The following ABCA5 variants were observed in gnomAD, a reference collection of about 807,000 sequenced individuals.
ABCA5 encodes cholesterol transporter ABCA5.
Under a neutral mutation model 206.0 loss-of-function variants are expected in ABCA5, and 163 were observed. That is an observed-to-expected ratio of 0.79 (90% CI 0.70 to 0.90). ABCA5 has a LOEUF of 0.90. Among genes scored for constraint, ABCA5 ranks in the 40% least tolerant of loss-of-function variants. ABCA5 has a pLI of 0.00. For missense variants in ABCA5, 1,859 were observed against 1,912.9 expected, an observed-to-expected ratio of 0.97 and a Z score of 0.53; for synonymous variants, 609 against 613.8, an observed-to-expected ratio of 0.99 and a Z score of 0.11.
chr17:69,259,762 T>C lies in ABCA5; in HGVS notation c.3675A>G (p.Leu1225=), dbSNP rs777440243. The part of the protein sequence containing the change: ...YLQCVLWIFL[L]QYYEKKYGGR... The stretch of plus-strand genomic sequence containing the variant: ...CTCCATATTTTTTCTCATAGTATTG[T>C]AAGAGGAAAATCCACAGTACACACT... Residue 1225 remains leucine (L), a synonymous_variant, in exon 28 of 39, where the codon TTA becomes TTG. Transcript: ENST00000392676. The C allele has an allele frequency of 1.9e-6, 3 of 1,609,254 alleles. No individual in the cohort carries two copies. Among genetic ancestry groups the C allele is most frequent in the African/African-American group, 1.3e-5 (1 of 74,722 alleles).
chr17:69,309,206 C>T, intron 4 of ABCA5, 56 bp downstream of exon 4: 2 of 1,376,750 alleles, frequency 1.5e-6, no homozygotes, highest in Non-Finnish European at 1.9e-6. Flanking sequence ...CTATGAACTG[C>T]AAGCAGCAAA....
At position 69,302,737 on chromosome 17, in the gene ABCA5, A is replaced by G. The variant is rs1423319194; in HGVS notation, c.1100T>C (p.Phe367Ser). 1 of 1,574,372 alleles carries G rather than the reference A, an allele frequency of 6.4e-7. No individual in the cohort carries two copies. The highest frequency in any genetic ancestry group is 8.6e-7 in the Non-Finnish European group (1 of 1,168,808). The stretch of plus-strand genomic sequence containing the variant: ...ACCTACCTGTGCAATACCAATCACA[A>G]AAGTACAGTGACAGAAAGGACTGAA... ...WLFSPFCHCT[F>S]VIGIAQVMHL... Residue 367 changes from phenylalanine to serine, a missense_variant, in exon 8 of 39, where the codon TTT (phenylalanine) becomes TCT (serine). By Grantham distance (155) the Phe-to-Ser change is radical (BLOSUM62 -2). Transcript: ENST00000392676.
intron 1 of ABCA5, among the ~76,000 whole-genome samples, chr17:69,320,452 C>G (rs1331724625): frequency 6.6e-6 from 1 of 152,046 alleles, no homozygotes; most frequent in African/African-American, 2.4e-5. Flanking sequence ...TCTGATTTTT[C>G]TTATACTCAA....
At chr17:69,309,241 T>C in intron 4 of ABCA5, 21 bp downstream of exon 4, 15 of 1,509,520 alleles carry the variant, frequency 9.9e-6, no homozygotes, top group Non-Finnish European at 1.3e-5. Flanking sequence ...TGATCTTCAA[T>C]GATTATGTAG....
chr17:69,294,340 TG>T (rs1464888963), intron 11 of ABCA5, among the ~76,000 whole-genome samples: 1 of 151,906 alleles, frequency 6.6e-6, no homozygotes, highest in Non-Finnish European at 1.5e-5. Flanking sequence ...CTGGCCAACT[TG>T]GTGAAACCCC....
Position 69,306,750 on chromosome 17 carries a change from T to G in ABCA5, c.763A>C (p.Met255Leu). The change falls in exon 6 of 39, where the codon ATG becomes CTG. Residue 255 changes from methionine to leucine, a missense_variant. Physicochemically the swap from Met to Leu is conservative, Grantham distance 15 (BLOSUM62 2). Coordinates refer to ENST00000392676, the MANE Select transcript of ABCA5 (RefSeq NM_172232.4). ...EKKIKEFLKI[M>L]GLHDTAFWLS... is the part of the protein sequence containing the mutation. The stretch of plus-strand genomic sequence containing the variant: ...CAAAAGGCAGTATCATGAAGTCCCA[T>G]TATCTTTAAAAATTCTTTTATTTTT... 6.5e-7 allele frequency: 1 copy of G among 1,539,576 alleles called. No homozygotes were observed. Among genetic ancestry groups the G allele is most frequent in the South Asian group, 1.3e-5 (1 of 79,104 alleles).
At chr17:69,294,537 A>T in intron 11 of ABCA5, 118 bp downstream of exon 11, 1 of 962,500 alleles carries the variant, frequency 1.0e-6, no homozygotes, top group Non-Finnish European at 1.6e-6. Context: ...AAATAAAATA[A>T]AATAAAAGCA....
At chr17:69,287,507 C>A in intron 15 of ABCA5, 106 bp downstream of exon 15, 1 of 1,372,092 alleles carries the variant, frequency 7.3e-7, no homozygotes, top group Non-Finnish European at 9.6e-7. Context: ...GGAAACATAC[C>A]ACTAGGTAAA....
intron 3 of ABCA5, among the ~76,000 whole-genome samples, chr17:69,311,463 GTTT>G (rs1300229559): frequency 6.6e-6 from 1 of 151,898 alleles, no homozygotes; most frequent in Non-Finnish European, 1.5e-5. Flanking sequence ...TGACTTAGTT[GTTT>G]TTTGTTTGTT....
chr17:69,254,195 G>T, intron 32 of ABCA5, 120 bp downstream of exon 32: 1 of 809,390 alleles, frequency 1.2e-6, no homozygotes, highest in East Asian at 2.8e-5. Flanking sequence ...ATATGAAAAA[G>T]TAATAAACAT....
At chr17:69,314,580 G>C (rs1400941731) in intron 1 of ABCA5, 150 bp from the exon 2 acceptor site, 4 of 541,846 alleles carry the variant, frequency 7.4e-6, no homozygotes, top group Non-Finnish European at 1.3e-5. Context: ...TGGACAGAAT[G>C]CATGGAGCAG....
chr17:69,320,577 T>C (rs1044691313), intron 1 of ABCA5, among the ~76,000 whole-genome samples: 11 of 152,220 alleles, frequency 7.2e-5, no homozygotes, highest in Non-Finnish European at 1.0e-4. Flanking sequence ...GTTTTCTTCA[T>C]AGTATGAAAT....
At chr17:69,249,849 G>A (rs2074991535) in intron 37 of ABCA5, 56 bp downstream of exon 37, 6 of 1,492,746 alleles carry the variant, frequency 4.0e-6, no homozygotes, top group African/African-American at 1.4e-5. Context: ...GATTGTGAAA[G>A]GGACTGAACA....
At chr17:69,292,496 T>G (rs2075539801) in intron 11 of ABCA5, among the ~76,000 whole-genome samples, 2 of 152,230 alleles carry the variant, frequency 1.3e-5, no homozygotes, top group Non-Finnish European at 2.9e-5. Context: ...GTTCCACTAT[T>G]ATTTTTTGTC....
rs1414823434 is a variant in ABCA5 at position 69,259,565 on chromosome 17, T to C, written c.3731+141A>G. ...TACCTAAGACTGGGAGCTATGGGAA[T>C]AGGGATAAGAAAGTGGCTGTTAATG... On this transcript the variant is annotated intron_variant, in intron 28 of 38. Transcript: ENST00000392676. The C allele has an allele frequency of 5.3e-5, 27 of 511,878 alleles. No individual in the cohort carries two copies. The Admixed American group carries it at 5.8e-4, about 11-fold the overall frequency. The allele number at this position is 511,878 out of a possible 1,614,324, so 31.7% of individuals were successfully genotyped here.
At position 69,300,083 on chromosome 17, in the gene ABCA5, T is replaced by C. The variant is rs559746250; in HGVS notation, c.1267+1056A>G. 3.3e-5 allele frequency among the ~76,000 whole-genome samples: 5 copies of C among 152,306 alleles called. No individual in the cohort carries two copies. The East Asian group carries it at 9.7e-4, about 29-fold the overall frequency. ...TCTATTATTATTACATTGTAATATA[T>C]AATGAAACAATTATACAACTCACTA... On this transcript the variant is annotated intron_variant, in intron 9 of 38. Coordinates refer to ENST00000392676, the MANE Select transcript of ABCA5 (RefSeq NM_172232.4).
intron 26 of ABCA5, among the ~76,000 whole-genome samples, chr17:69,260,839 C>T (rs2075138732): frequency 6.6e-6 from 1 of 151,874 alleles, no homozygotes. Flanking sequence ...TATTTAATCA[C>T]TGATAAACTC....
intron 38 of ABCA5, 113 bp downstream of exon 38, chr17:69,248,149 T>C: frequency 1.6e-6 from 1 of 614,904 alleles, no homozygotes; most frequent in Non-Finnish European, 2.9e-6. Flanking sequence ...GATCATTCTG[T>C]ACCAATTTGT....
chr17:69,251,539 T>C, intron 35 of ABCA5: 2 of 579,792 alleles, frequency 3.4e-6, no homozygotes, highest in Non-Finnish European at 5.5e-6. Context: ...TCCAAGTTAT[T>C]GAAATATTAA....
Sources: gnomAD v4.1 joint callset for allele counts (sites outside exome capture counted in the v4.1 genomes callset) on GRCh38, gnomAD v4.1.1 for gene constraint, MANE v1.5 for transcripts, NCBI Gene and HGNC (gene_info 2026-07-23, HGNC 2026-07-21) for gene names.